The following ASTN2 variants were observed in gnomAD, a reference collection of about 807,000 sequenced individuals.
The protein encoded by ASTN2 is astrotactin 2.
ASTN2 carries 54 observed loss-of-function variants against 139.8 expected under a neutral mutation model. The ratio of observed to expected loss-of-function variants is 0.39; its 90% CI spans 0.31 to 0.48. ASTN2 has a LOEUF of 0.48. Among genes scored for constraint, ASTN2 ranks in the 20% least tolerant of loss-of-function variants. The probability of loss-of-function intolerance (pLI) is 0.95; values close to 1 mark genes in which losing one functional copy is unlikely to be tolerated. For missense variants in ASTN2, 1,565 were observed against 1,725.1 expected (o/e 0.91, Z 1.64); for synonymous variants, 756 against 719.5 (o/e 1.05, Z -0.81).
At chr9:116,926,421 T>C (rs1411902692) in intron 10 of ASTN2, among the ~76,000 whole-genome samples, 1 of 152,196 alleles carries the variant, frequency 6.6e-6, no homozygotes, top group African/African-American at 2.4e-5. Flanking sequence ...TCTGCTCTTG[T>C]AGAAACTTCT....
At chr9:116,765,666 C>T (rs1829787517) in intron 13 of ASTN2, among the ~76,000 whole-genome samples, 1 of 151,890 alleles carries the variant, frequency 6.6e-6, no homozygotes, top group African/African-American at 2.4e-5. Flanking sequence ...TAATAGAATA[C>T]TGTACAGGCA....
chr9:116,458,400 C>T (rs1450015094), intron 20 of ASTN2, among the ~76,000 whole-genome samples: 5 of 151,582 alleles, frequency 3.3e-5, no homozygotes, highest in Admixed American at 2.6e-4. Context: ...ATAATAAATG[C>T]TTGAGGTGAT....
chr9:117,162,332 G>A (rs1830573088), intron 3 of ASTN2, among the ~76,000 whole-genome samples: 1 of 152,006 alleles, frequency 6.6e-6, no homozygotes, highest in Non-Finnish European at 1.5e-5. Context: ...AGCTTCACTT[G>A]TGGTCCCTGG....
chr9:117,393,807 G>A (rs1024371366), intron 1 of ASTN2, among the ~76,000 whole-genome samples: 2 of 152,036 alleles, frequency 1.3e-5, no homozygotes, highest in Non-Finnish European at 2.9e-5. Context: ...GGGGTGCAGT[G>A]GGGAGACTCT....
At chr9:116,803,243 A>C (rs1056102858) in intron 13 of ASTN2, among the ~76,000 whole-genome samples, 3 of 151,408 alleles carry the variant, frequency 2.0e-5, no homozygotes, top group Non-Finnish European at 4.4e-5. Flanking sequence ...AGTATTGTAG[A>C]ATCTCAGCAT....
intron 2 of ASTN2, among the ~76,000 whole-genome samples, chr9:117,232,403 C>T (rs995336941): frequency 1.3e-5 from 2 of 152,104 alleles, no homozygotes; most frequent in Admixed American, 1.3e-4. Flanking sequence ...AACTCTTTCC[C>T]TTCATTGCTT....
chr9:117,016,611 TATATCTATCTATC>T (rs1165262896), intron 6 of ASTN2, among the ~76,000 whole-genome samples: 1 of 3,342 alleles, frequency 3.0e-4, no homozygotes, highest in Non-Finnish European at 6.8e-4. Context: ...TATCTATATC[TATATCTATCTATC>T]TATATATATA....
chr9:117,134,564 A>G (rs909469877), intron 4 of ASTN2, among the ~76,000 whole-genome samples: 1 of 151,852 alleles, frequency 6.6e-6, no homozygotes, highest in Non-Finnish European at 1.5e-5. Context: ...TTTCCCCCAG[A>G]TATTCCCGTT....
chr9:117,064,886 G>A (rs906200476), intron 5 of ASTN2, among the ~76,000 whole-genome samples: 5 of 151,898 alleles, frequency 3.3e-5, no homozygotes, highest in African/African-American at 1.2e-4. Flanking sequence ...CTGTTTCTCT[G>A]CTGTCTGCTT....
At chr9:117,394,563 C>T (rs749882712) in intron 1 of ASTN2, among the ~76,000 whole-genome samples, 63 of 152,042 alleles carry the variant, frequency 4.1e-4, no homozygotes, top group Non-Finnish European at 5.7e-4. Flanking sequence ...AGAGGGAAAG[C>T]GGGAGGAGAA....
intron 3 of ASTN2, among the ~76,000 whole-genome samples, chr9:117,205,871 T>G (rs1380090343): frequency 2.0e-5 from 3 of 152,194 alleles, no homozygotes; most frequent in African/African-American, 4.8e-5. Flanking sequence ...GGAAAATAGC[T>G]AAATTCCATC....
chr9:117,146,285 G>A (rs1037889380), intron 3 of ASTN2, among the ~76,000 whole-genome samples: 10 of 152,066 alleles, frequency 6.6e-5, no homozygotes, highest in Non-Finnish European at 1.3e-4. Flanking sequence ...GATGCTGCTT[G>A]ATCTGAGCAT....
At chr9:116,480,467 T>G (rs1480529649) in intron 20 of ASTN2, among the ~76,000 whole-genome samples, 2 of 152,192 alleles carry the variant, frequency 1.3e-5, no homozygotes, top group African/African-American at 4.8e-5. Context: ...GGATTCTTAA[T>G]TAGTGTCAGT....
At chr9:117,362,845 T>C (rs534042755) in intron 1 of ASTN2, among the ~76,000 whole-genome samples, 1 of 152,180 alleles carries the variant, frequency 6.6e-6, no homozygotes, top group South Asian at 2.1e-4. Context: ...CCCACTCTCG[T>C]GCCACAGTAA....
chr9:116,653,303 G>A (rs967999872), intron 16 of ASTN2, among the ~76,000 whole-genome samples: 1 of 152,224 alleles, frequency 6.6e-6, no homozygotes, highest in African/African-American at 2.4e-5. Context: ...CATAGAAAAA[G>A]AGGGAAACTG....
At chr9:116,432,963 GGGAA>G (rs1425251335) in intron 22 of ASTN2, among the ~76,000 whole-genome samples, 1 of 148,734 alleles carries the variant, frequency 6.7e-6, no homozygotes, top group African/African-American at 2.4e-5. Flanking sequence ...GAAGGAAGGA[GGGAA>G]GGAAGGAAGG....
intron 13 of ASTN2, among the ~76,000 whole-genome samples, chr9:116,752,167 GAATAGGAAGCACATA>G (rs1337972649): frequency 6.6e-6 from 1 of 152,136 alleles, no homozygotes; most frequent in African/African-American, 2.4e-5. Flanking sequence ...CCATGGAACA[GAATAGGAAGCACATA>G]AATAGACCCA....
intron 19 of ASTN2, among the ~76,000 whole-genome samples, chr9:116,521,158 A>C (rs770670201): frequency 3.9e-5 from 6 of 152,272 alleles, no homozygotes; most frequent in Middle Eastern, 6.8e-3. Context: ...AAACAATCCT[A>C]AAATCTATGT....
chr9:116,632,248 A>AGAAAGAAG (rs1212577564), intron 17 of ASTN2, among the ~76,000 whole-genome samples: 48 of 91,064 alleles, frequency 5.3e-4, no homozygotes, highest in Non-Finnish European at 9.8e-4. Flanking sequence ...AAAGAAAGAA[A>AGAAAGAAG]GAAGGAAAGA....
Sources: gnomAD v4.1 joint callset for allele counts (sites outside exome capture counted in the v4.1 genomes callset) on GRCh38, gnomAD v4.1.1 for gene constraint, MANE v1.5 for transcripts, NCBI Gene and HGNC (gene_info 2026-07-23, HGNC 2026-07-21) for gene names.